The following SNAP91 variants were observed in gnomAD, a reference collection of about 807,000 sequenced individuals.
SNAP91 encodes the protein clathrin coat assembly protein AP180.
In SNAP91, 27 loss-of-function variants were observed where a neutral mutation model predicts 100.3. The observed-to-expected ratio is 0.27, with a 90% confidence interval of 0.20 to 0.37. The LOEUF (loss-of-function observed/expected upper bound fraction) is 0.37, where lower values mean the gene tolerates loss of function less well. Ranked by LOEUF, SNAP91 falls within the 10% of genes least tolerant of loss-of-function variation. The probability of loss-of-function intolerance (pLI) is 1.00; values close to 1 mark genes in which losing one functional copy is unlikely to be tolerated. For missense variants in SNAP91, 986 were observed against 1,123.7 expected (o/e 0.88, Z 1.75); for synonymous variants, 404 against 398.6 (o/e 1.01, Z -0.16).
chr6:83,669,274 G>A (rs1239231649), intron 2 of SNAP91, among the ~76,000 whole-genome samples: 1 of 151,492 alleles, frequency 6.6e-6, no homozygotes, highest in African/African-American at 2.4e-5. Flanking sequence ...TATTATATAA[G>A]TTTCTACTTC....
intron 16 of SNAP91, among the ~76,000 whole-genome samples, chr6:83,597,116 T>G (rs546054444): frequency 3.9e-5 from 6 of 152,204 alleles, no homozygotes; most frequent in Non-Finnish European, 7.4e-5. Context: ...AACTAAATAT[T>G]ATCAACTTAA....
At chr6:83,653,816 G>C (rs1265482092) in intron 7 of SNAP91, among the ~76,000 whole-genome samples, 8 of 152,042 alleles carry the variant, frequency 5.3e-5, no homozygotes. Flanking sequence ...TATGCCTCTG[G>C]ACTGTGAACT....
intron 26 of SNAP91, among the ~76,000 whole-genome samples, chr6:83,562,451 T>C (rs1789399514): frequency 1.3e-5 from 2 of 152,228 alleles, no homozygotes; most frequent in Admixed American, 6.5e-5. Flanking sequence ...TTAACTCTTA[T>C]AATTTATGTT....
intron 29 of SNAP91, 116 bp downstream of exon 29, chr6:83,556,027 A>T: frequency 2.2e-6 from 1 of 450,096 alleles, no homozygotes; most frequent in Non-Finnish European, 4.0e-6. Flanking sequence ...AAACACTCAA[A>T]TTATTACTAT....
At chr6:83,608,296 T>C (rs1434961411) in intron 12 of SNAP91, among the ~76,000 whole-genome samples, 1 of 152,144 alleles carries the variant, frequency 6.6e-6, no homozygotes, top group Non-Finnish European at 1.5e-5. Context: ...AAGAGAACGA[T>C]TCACAAGCAA....
chr6:83,554,326 T>C (rs562418533), intron 29 of SNAP91, 41 bp from the exon 30 acceptor site: 2 of 283,840 alleles, frequency 7.0e-6, no homozygotes, highest in East Asian at 2.5e-4. Flanking sequence ...AACAAGATTA[T>C]TACATAGTCC....
Position 83,557,061 on chromosome 6 carries a change from C to A in SNAP91, c.2632-816G>T, listed in dbSNP as rs549879018. On this transcript the variant is annotated intron_variant, in intron 28 of 29. Coordinates refer to ENST00000369694, the MANE Select transcript of SNAP91 (RefSeq NM_001242792.2). ...CAAAAGTAACAAATAATTAACTTGCCTTGTTTCTGTTTAACCAGAATCTAA... is the reference window on the plus strand; with the variant it reads ...CAAAAGTAACAAATAATTAACTTGCATTGTTTCTGTTTAACCAGAATCTAA... Among the ~76,000 whole-genome samples the A allele has an allele frequency of 8.5e-5, 13 of 152,238 alleles. No homozygotes were observed. In the South Asian group the frequency reaches 2.7e-3, roughly 32 times the overall value.
At chr6:83,648,235 CT>C (rs1211358508) in intron 7 of SNAP91, among the ~76,000 whole-genome samples, 25 of 152,114 alleles carry the variant, frequency 1.6e-4, no homozygotes, top group African/African-American at 6.0e-4. Flanking sequence ...TCTTTGGCTT[CT>C]TTGAACCTAA....
At chr6:83,617,520 TGAGTGA>T (rs1358068047) in intron 9 of SNAP91, among the ~76,000 whole-genome samples, 2 of 151,710 alleles carry the variant, frequency 1.3e-5, no homozygotes, top group African/African-American at 4.8e-5. Context: ...AAAAAGGTGG[TGAGTGA>T]GAGTTGTGGG....
intron 26 of SNAP91, among the ~76,000 whole-genome samples, chr6:83,568,605 C>T (rs1484687494): frequency 1.3e-5 from 2 of 152,008 alleles, no homozygotes; most frequent in African/African-American, 4.8e-5. Context: ...TGCCAGCAGA[C>T]GTAGTTCAAT....
chr6:83,560,524 C>T (rs1308796119), intron 27 of SNAP91, among the ~76,000 whole-genome samples: 1 of 152,070 alleles, frequency 6.6e-6, no homozygotes, highest in African/African-American at 2.4e-5. Context: ...AAAGATGGTC[C>T]TAAAATTGGC....
At chr6:83,625,080 T>C (rs946826031) in intron 8 of SNAP91, among the ~76,000 whole-genome samples, 5 of 152,008 alleles carry the variant, frequency 3.3e-5, no homozygotes, top group Admixed American at 3.3e-4. Context: ...GTGTCTACTG[T>C]TCTCATCTGC....
intron 8 of SNAP91, among the ~76,000 whole-genome samples, chr6:83,630,577 T>C (rs1209113867): frequency 6.6e-6 from 1 of 152,126 alleles, no homozygotes. Flanking sequence ...AGGAGGATTG[T>C]ATCTTTCCAG....
intron 7 of SNAP91, among the ~76,000 whole-genome samples, chr6:83,653,858 C>T (rs762928431): frequency 3.0e-4 from 46 of 152,076 alleles, no homozygotes; most frequent in Non-Finnish European, 5.6e-4. Context: ...TCCTCTTGGA[C>T]AAAATAGATG....
rs184882174 is a variant in SNAP91, at chr6:83,680,850, T to C, written c.131-15269A>G. 3.9e-5 allele frequency among the ~76,000 whole-genome samples: 6 copies of C among 152,258 alleles called. No individual in the cohort carries two copies. The East Asian group carries it at 1.2e-3, about 29-fold the overall frequency. On this transcript the variant is annotated intron_variant, in intron 2 of 29. Coordinates refer to ENST00000369694, the MANE Select transcript of SNAP91 (RefSeq NM_001242792.2). The stretch of plus-strand genomic sequence containing the variant: ...ATTGTTGTAGACTGTTGAGAACTGT[T>C]TGCCTACAGTAAGAATTTGGAGATC...
Position 83,560,936 on chromosome 6 carries a change from T to G in SNAP91, c.2454A>C (p.Val818=). 2 of 1,607,846 alleles carry G rather than the reference T, an allele frequency of 1.2e-6. No homozygotes were observed. Among genetic ancestry groups the G allele is most frequent in the Non-Finnish European group, 1.7e-6 (2 of 1,177,994 alleles). The part of the protein sequence containing the change: ...VPPSAPLQGA[V]PPTSSVPPVA... ...CAGGAGGAACTGAACTGGTTGGAGG[T>G]ACAGCTCCTTGCTACACAGATAGAC... The change falls in exon 27 of 30, where the codon GTA becomes GTC. Residue 818 remains valine (V), a synonymous_variant. Coordinates refer to ENST00000369694, the MANE Select transcript of SNAP91 (RefSeq NM_001242792.2).
chr6:83,662,294 C>A, intron 4 of SNAP91, 53 bp downstream of exon 4: 3 of 701,850 alleles, frequency 4.3e-6, no homozygotes, highest in South Asian at 3.1e-5. Flanking sequence ...TTAATAGCCT[C>A]ACTTCAAAAA....
intron 24 of SNAP91, among the ~76,000 whole-genome samples, chr6:83,579,552 C>T (rs1314870094): frequency 6.6e-6 from 1 of 152,140 alleles, no homozygotes; most frequent in Non-Finnish European, 1.5e-5. Context: ...AATAATATTA[C>T]GTATCTACAG....
intron 12 of SNAP91, among the ~76,000 whole-genome samples, 197 bp downstream of exon 12, chr6:83,610,453 A>G (rs1255713626): frequency 1.3e-5 from 2 of 151,022 alleles, no homozygotes; most frequent in Non-Finnish European, 2.9e-5. Context: ...GGGATCGGGG[A>G]GAGAGGGAGG....
Sources: gnomAD v4.1 joint callset for allele counts (sites outside exome capture counted in the v4.1 genomes callset) on GRCh38, gnomAD v4.1.1 for gene constraint, MANE v1.5 for transcripts, NCBI Gene and HGNC (gene_info 2026-07-23, HGNC 2026-07-21) for gene names.